Variants in LUZP2 observed in about 807,000 individuals in gnomAD.
LUZP2 encodes leucine zipper protein 2.
Under a neutral mutation model 51.6 loss-of-function variants are expected in LUZP2, and 52 were observed. The observed-to-expected ratio is 1.01, with a 90% CI of 0.81 to 1.27. The LOEUF (loss-of-function observed/expected upper bound fraction) is 1.27, where lower values mean the gene tolerates loss of function less well. LUZP2 is among the 50% of genes most tolerant of loss of function. The probability of loss-of-function intolerance (pLI) is 0.00; values close to 1 mark genes in which losing one functional copy is unlikely to be tolerated. For synonymous variants in LUZP2, 154 were observed against 137.3 expected, an observed-to-expected ratio of 1.12 and a Z score of -0.85; for missense variants, 436 against 395.4, an observed-to-expected ratio of 1.10 and a Z score of -0.87.
Position 25,044,050 on chromosome 11 carries a change from G to GAT in LUZP2, c.766-5980_766-5979dup, listed in dbSNP as rs371234776. On this transcript the variant is annotated intron_variant, in intron 9 of 11. Coordinates refer to ENST00000336930, the MANE Select transcript of LUZP2 (RefSeq NM_001009909.4). ...ATATATAGAGTCTATATATATATCTGATATATATAGAGTCTATATATATCT... is the reference window on the plus strand; with the variant it reads ...ATATATAGAGTCTATATATATATCTGATATATATATAGAGTCTATATATATCT... Among the ~76,000 whole-genome samples the GAT allele has an allele frequency of 5.0e-3, 144 of 28,664 alleles. 1 individual carries two copies. Among genetic ancestry groups the GAT allele is most frequent in the East Asian group, 0.036 (16 of 448 alleles). The allele number at this position is 28,664 out of a possible 152,430, so 18.8% of individuals were successfully genotyped here.
intron 1 of LUZP2, among the ~76,000 whole-genome samples, chr11:24,613,345 CACAA>C (rs3077998): frequency 0.35 from 53,111 of 151,720 alleles, 9,368 homozygotes; most frequent in Middle Eastern, 0.43. Flanking sequence ...CACTCTCATG[CACAA>C]ACACACTTCT....
chr11:24,713,939 G>A (rs907256349), intron 1 of LUZP2, among the ~76,000 whole-genome samples: 1 of 129,244 alleles, frequency 7.7e-6, no homozygotes, highest in Admixed American at 9.0e-5. Context: ...CAGGTGATCT[G>A]CCCACCTCAG....
chr11:24,730,106 A>C (rs1403778709), intron 2 of LUZP2, among the ~76,000 whole-genome samples: 1 of 151,628 alleles, frequency 6.6e-6, no homozygotes, highest in African/African-American at 2.4e-5. Flanking sequence ...TAAGATGATA[A>C]TAATGATAAT....
chr11:24,497,368 T>A, intron 1 of LUZP2, 63 bp downstream of exon 1: 1 of 1,310,556 alleles, frequency 7.6e-7, no homozygotes, highest in Non-Finnish European at 1.0e-6. Context: ...TTGGTCCTAC[T>A]GTGGGTCACC....
chr11:24,598,450 A>T (rs1295513867), intron 1 of LUZP2, among the ~76,000 whole-genome samples: 1 of 152,118 alleles, frequency 6.6e-6, no homozygotes, highest in Non-Finnish European at 1.5e-5. Context: ...GATGTAATAG[A>T]GGGCTTCTAT....
intron 1 of LUZP2, among the ~76,000 whole-genome samples, chr11:24,688,404 T>C (rs949127962): frequency 1.3e-5 from 2 of 152,176 alleles, no homozygotes; most frequent in African/African-American, 4.8e-5. Flanking sequence ...GGAACTACCG[T>C]GAGAAAGTCA....
At chr11:24,823,548 T>C (rs974710488) in intron 5 of LUZP2, among the ~76,000 whole-genome samples, 5 of 152,000 alleles carry the variant, frequency 3.3e-5, no homozygotes, top group Non-Finnish European at 7.4e-5. Flanking sequence ...TATTCATTTG[T>C]GAAGAATGGA....
chr11:24,554,657 GTGTT>G (rs1851813730), intron 1 of LUZP2, among the ~76,000 whole-genome samples: 2 of 148,102 alleles, frequency 1.4e-5, no homozygotes, highest in Non-Finnish European at 1.5e-5. Flanking sequence ...TAAAACGTAT[GTGTT>G]TGTGTGGTAT....
intron 5 of LUZP2, among the ~76,000 whole-genome samples, chr11:24,859,834 A>T (rs1446659992): frequency 6.6e-6 from 1 of 152,200 alleles, no homozygotes; most frequent in Non-Finnish European, 1.5e-5. Context: ...GAACTGTGCA[A>T]CCCATGGATC....
At chr11:25,067,576 C>T (rs1429581782) in intron 10 of LUZP2, among the ~76,000 whole-genome samples, 1 of 151,962 alleles carries the variant, frequency 6.6e-6, no homozygotes, top group Non-Finnish European at 1.5e-5. Flanking sequence ...GTGAAAAATG[C>T]TCATCATCAT....
chr11:24,899,177 T>A (rs1853189787), intron 5 of LUZP2, among the ~76,000 whole-genome samples: 2 of 151,984 alleles, frequency 1.3e-5, no homozygotes, highest in South Asian at 2.1e-4. Context: ...CAGGGATACC[T>A]TTTTTGATTC....
At chr11:24,521,405 T>C (rs899890493) in intron 1 of LUZP2, among the ~76,000 whole-genome samples, 3 of 151,124 alleles carry the variant, frequency 2.0e-5, no homozygotes, top group Non-Finnish European at 4.4e-5. Context: ...TAGATTGTTT[T>C]AGAGTAATAT....
At chr11:24,580,238 A>G (rs1166358126) in intron 1 of LUZP2, among the ~76,000 whole-genome samples, 1 of 152,134 alleles carries the variant, frequency 6.6e-6, no homozygotes, top group Non-Finnish European at 1.5e-5. Context: ...CTTACTGAAA[A>G]GGAACTTTAG....
At position 25,078,874 on chromosome 11, in the gene LUZP2, T is replaced by C. The variant is rs1483922035; in HGVS notation, c.*216T>C. The stretch of plus-strand genomic sequence containing the variant: ...TTGAATACCCACAGTCAGAAATATT[T>C]TGTTGTCAACAGTAAATTGTCCCAT... On this transcript the variant is annotated 3_prime_UTR_variant, in exon 12 of 12. Transcript: ENST00000336930. 4.3e-6 allele frequency: 2 copies of C among 468,132 alleles called. No homozygotes were observed. The highest frequency in any genetic ancestry group is 4.1e-5 in the African/African-American group (2 of 49,066). 29.0% of individuals were successfully genotyped at this position (468,132 alleles called of 1,614,324 possible).
intron 1 of LUZP2, among the ~76,000 whole-genome samples, chr11:24,504,805 G>C (rs1850101188): frequency 6.6e-6 from 1 of 151,898 alleles, no homozygotes; most frequent in Non-Finnish European, 1.5e-5. Context: ...TTTCTAATAA[G>C]ATTCTCCTGG....
intron 1 of LUZP2, among the ~76,000 whole-genome samples, chr11:24,675,547 A>G (rs2133857800): frequency 6.6e-6 from 1 of 152,238 alleles, no homozygotes; most frequent in Admixed American, 6.5e-5. Context: ...AAAATGGAAT[A>G]TTATTTCTTT....
At chr11:24,905,827 T>C (rs1331163438) in intron 5 of LUZP2, among the ~76,000 whole-genome samples, 164 bp from the exon 6 acceptor site, 1 of 152,192 alleles carries the variant, frequency 6.6e-6, no homozygotes, top group Non-Finnish European at 1.5e-5. Flanking sequence ...TAAAAAACAA[T>C]CTTTTACTTT....
chr11:24,600,359 G>T (rs868507918), intron 1 of LUZP2, among the ~76,000 whole-genome samples: 5 of 152,154 alleles, frequency 3.3e-5, no homozygotes, highest in Middle Eastern at 3.4e-3. Context: ...AGTTAGGAGA[G>T]AGAGCTTGAT....
chr11:24,643,174 G>A (rs1485907290), intron 1 of LUZP2, among the ~76,000 whole-genome samples: 1 of 150,062 alleles, frequency 6.7e-6, no homozygotes, highest in African/African-American at 2.5e-5. Flanking sequence ...TTTAGGAGGC[G>A]GAGGGAGGCA....
Sources: allele counts gnomAD v4.1 joint callset (sites outside exome capture counted in the v4.1 genomes callset), GRCh38; gene constraint gnomAD v4.1.1; transcripts MANE v1.5; gene names NCBI Gene and HGNC (gene_info 2026-07-23, HGNC 2026-07-21).